Variants in AKIP1 observed in about 807,000 individuals in gnomAD.
The protein encoded by AKIP1 is A-kinase-interacting protein 1.
A neutral mutation model predicts 22.3 loss-of-function variants in AKIP1; 18 were observed. That is an observed-to-expected ratio of 0.81 (90% CI 0.56 to 1.19). The LOEUF is 1.19. AKIP1 is among the 50% of genes most tolerant of loss of function. The probability of loss-of-function intolerance (pLI) is 0.00; values close to 1 mark genes in which losing one functional copy is unlikely to be tolerated. For synonymous variants in AKIP1, 120 were observed against 102.7 expected (o/e 1.17, Z -1.02); for missense variants, 287 against 264.6 (o/e 1.08, Z -0.59).
At chr11:8,912,592 C>T in intron 3 of AKIP1, 59 bp downstream of exon 3, 2 of 1,468,728 alleles carry the variant, frequency 1.4e-6, no homozygotes, top group South Asian at 2.3e-5. Flanking sequence ...ACATTTGGAT[C>T]TTTCTGGAAT....
At position 8,911,673 on chromosome 11, in the gene AKIP1, T is replaced by G; in HGVS notation, c.222+2T>G. The stretch of plus-strand genomic sequence containing the variant: ...CCGCAGCGCGTTCTCCCGGGAGAGG[T>G]GAGGGTCGCTGTGCCGGGGGCCGCC... On this transcript the variant is annotated splice_donor_variant, in intron 2 of 5. Transcript: ENST00000309377. LOFTEE classifies it high-confidence loss of function. The G allele has an allele frequency of 6.6e-7, 1 of 1,521,598 alleles. No individual in the cohort carries two copies. Among genetic ancestry groups the G allele is most frequent in the South Asian group, 1.3e-5 (1 of 77,532 alleles). The allele number at this position is 1,521,598 out of a possible 1,614,324, so 94.3% of individuals were successfully genotyped here.
chr11:8,919,283 G>T, intron 5 of AKIP1, 54 bp from the exon 6 acceptor site: 1 of 1,556,436 alleles, frequency 6.4e-7, no homozygotes, highest in South Asian at 1.2e-5. Context: ...GGGGGGCCAT[G>T]GTGGCACTGG....
intron 5 of AKIP1, chr11:8,917,866 T>C (rs1219062432): frequency 6.1e-6 from 1 of 164,070 alleles, no homozygotes; most frequent in Non-Finnish European, 1.3e-5. Context: ...TAGGATAAAG[T>C]ACTCATTAGG....
chr11:8,914,272 C>T (rs567936043), intron 3 of AKIP1, among the ~76,000 whole-genome samples: 1 of 152,276 alleles, frequency 6.6e-6, no homozygotes, highest in East Asian at 1.9e-4. Flanking sequence ...AACTGTTTTC[C>T]GATCTTTCGG....
intron 4 of AKIP1, among the ~76,000 whole-genome samples, chr11:8,915,347 A>ATTTTTTTT (rs146108642): frequency 9.5e-6 from 1 of 105,096 alleles, no homozygotes. Flanking sequence ...TAGGGATAGG[A>ATTTTTTTT]TTTTTTTTTT....
chr11:8,914,161 C>T (rs1225038977), intron 3 of AKIP1, among the ~76,000 whole-genome samples: 3 of 152,198 alleles, frequency 2.0e-5, no homozygotes, highest in African/African-American at 7.2e-5. Flanking sequence ...AGTGTGCCTA[C>T]CCTGTTCAAA....
intron 4 of AKIP1, among the ~76,000 whole-genome samples, chr11:8,915,347 A>ATTTTTTTTTTTTTTTTTTTTTTTTTT (rs146108642): frequency 9.5e-6 from 1 of 105,096 alleles, no homozygotes. Context: ...TAGGGATAGG[A>ATTTTTTTTTTTTTTTTTTTTTTTTTT]TTTTTTTTTT....
intron 5 of AKIP1, 84 bp from the exon 6 acceptor site, chr11:8,919,253 G>C: frequency 7.3e-7 from 1 of 1,374,134 alleles, no homozygotes; most frequent in Non-Finnish European, 1.0e-6. Flanking sequence ...TCACACCTCT[G>C]CAAGGACAGG....
chr11:8,917,592 T>A, intron 5 of AKIP1: 1 of 547,970 alleles, frequency 1.8e-6, no homozygotes, highest in Non-Finnish European at 3.3e-6. Flanking sequence ...GTGCCTGAAC[T>A]CATAGTTGTG....
intron 3 of AKIP1, among the ~76,000 whole-genome samples, chr11:8,912,736 C>G (rs1427113022): frequency 6.6e-6 from 1 of 152,042 alleles, no homozygotes; most frequent in African/African-American, 2.4e-5. Flanking sequence ...ATGCCTAACC[C>G]TGTAGCTGAC....
rs140538679 is a variant in AKIP1 at position 8,911,566 on chromosome 11, G to T, written c.117G>T (p.Trp39Cys). Residue 39 changes from tryptophan to cysteine, a missense_variant, in exon 2 of 6, where the codon TGG (tryptophan) becomes TGT (cysteine). Transcript: ENST00000309377. ...LERAKRRAVD[W>C]HALERPKGCM... ...GGGCCAAGAGGAGGGCGGTGGACTG[G>T]CATGCCCTGGAGCGTCCCAAAGGCT... 6 of 1,610,894 alleles carry T rather than the reference G, an allele frequency of 3.7e-6. No individual in the cohort carries two copies. Among genetic ancestry groups the T allele is most frequent in the Non-Finnish European group, 5.1e-6 (6 of 1,179,030 alleles).
intron 5 of AKIP1, among the ~76,000 whole-genome samples, chr11:8,918,308 T>C (rs1174118294): frequency 2.0e-5 from 3 of 152,236 alleles, no homozygotes; most frequent in African/African-American, 7.2e-5. Flanking sequence ...TAAAGGATGG[T>C]AGACTTCCAA....
chr11:8,915,218 C>G (rs1044558771), intron 4 of AKIP1, among the ~76,000 whole-genome samples: 10 of 152,106 alleles, frequency 6.6e-5, no homozygotes, highest in African/African-American at 2.4e-4. Flanking sequence ...GCTTCCAAGC[C>G]TGGAATGTGG....
At chr11:8,911,776 G>A (rs182204740) in intron 2 of AKIP1, 105 bp downstream of exon 2, 1 of 1,147,256 alleles carries the variant, frequency 8.7e-7, no homozygotes, top group African/African-American at 1.6e-5. Flanking sequence ...CCTTCCCTTA[G>A]CGGAAGCTGG....
intron 3 of AKIP1, among the ~76,000 whole-genome samples, chr11:8,914,290 T>C (rs536586937): frequency 6.6e-6 from 1 of 152,348 alleles, no homozygotes; most frequent in African/African-American, 2.4e-5. Context: ...CGGAAGATTC[T>C]TCTTAAATTA....
chr11:8,911,896 T>TAA (rs34044522), intron 2 of AKIP1, among the ~76,000 whole-genome samples: 34,665 of 144,842 alleles, frequency 0.24, 4,380 homozygotes, highest in East Asian at 0.46. Context: ...GTTGGTTACT[T>TAA]AAAAAAAAAA....
At chr11:8,915,563 A>G (rs1370432330) in intron 4 of AKIP1, among the ~76,000 whole-genome samples, 2 of 149,140 alleles carry the variant, frequency 1.3e-5, no homozygotes, top group Non-Finnish European at 3.0e-5. Context: ...GGGTTTTGCT[A>G]TGTTGCCCAG....
chr11:8,913,229 G>T (rs1348070271), intron 3 of AKIP1, among the ~76,000 whole-genome samples: 1 of 145,898 alleles, frequency 6.9e-6, no homozygotes, highest in Non-Finnish European at 1.5e-5. Flanking sequence ...CACCCAGGCT[G>T]GTGTGCAGTG....
rs2064558365 is a variant in AKIP1 at position 8,920,072 on chromosome 11, G to A, written c.*592G>A. ...TTAATTATGATAATAAAGAGATTTG[G>A]AAATGAAGAGAATTCATTTTTATTA... On this transcript the variant is annotated 3_prime_UTR_variant, in exon 6 of 6. Transcript: ENST00000309377. 9.0e-6 allele frequency: 2 copies of A among 222,960 alleles called. No homozygotes were observed. Among genetic ancestry groups the A allele is most frequent in the South Asian group, 1.8e-4 (1 of 5,542 alleles). 13.8% of individuals were successfully genotyped at this position (222,960 alleles called of 1,614,324 possible).
Sources: gnomAD v4.1 joint callset for allele counts (sites outside exome capture counted in the v4.1 genomes callset) on GRCh38, gnomAD v4.1.1 for gene constraint, MANE v1.5 for transcripts, NCBI Gene and HGNC (gene_info 2026-07-23, HGNC 2026-07-21) for gene names.